The following DLGAP2 variants were observed in gnomAD, a reference collection of about 807,000 sequenced individuals.
DLGAP2 encodes DLG associated protein 2, also known as disks large-associated protein 2.
Under a neutral mutation model 100.3 loss-of-function variants are expected in DLGAP2, and 26 were observed. That is an observed-to-expected ratio of 0.26 (90% CI 0.19 to 0.36). The LOEUF (loss-of-function observed/expected upper bound fraction) is 0.36, where lower values mean the gene tolerates loss of function less well. Ranked by LOEUF, DLGAP2 falls within the 10% of genes least tolerant of loss-of-function variation. The pLI is 1.00. For missense variants in DLGAP2, 1,858 were observed against 1,453.2 expected (o/e 1.28, Z -4.53); for synonymous variants, 886 against 630.1 (o/e 1.41, Z -6.08).
At chr8:1,535,383 A>G (rs1276421557) in intron 4 of DLGAP2, among the ~76,000 whole-genome samples, 1 of 152,202 alleles carries the variant, frequency 6.6e-6, no homozygotes, top group African/African-American at 2.4e-5. Context: ...ATCACCCACA[A>G]ACATGAAATG....
intron 3 of DLGAP2, among the ~76,000 whole-genome samples, chr8:1,384,794 C>T (rs1796178535): frequency 2.9e-5 from 1 of 34,318 alleles, no homozygotes; most frequent in Non-Finnish European, 6.5e-5. Context: ...ACAGTTACCC[C>T]GGCCTGTGCC....
At chr8:1,088,476 A>G (rs1804051342) in intron 2 of DLGAP2, among the ~76,000 whole-genome samples, 1 of 152,138 alleles carries the variant, frequency 6.6e-6, no homozygotes, top group Admixed American at 6.5e-5. Flanking sequence ...AAAACAGCTG[A>G]ATTTTAGTCT....
chr8:836,535 C>A (rs1178857260), intron 1 of DLGAP2, among the ~76,000 whole-genome samples: 1 of 152,186 alleles, frequency 6.6e-6, no homozygotes, highest in Admixed American at 6.5e-5. Flanking sequence ...CGGGGGCACA[C>A]AAGGCTGAGG....
chr8:1,141,058 G>C (rs924921582), intron 2 of DLGAP2, among the ~76,000 whole-genome samples: 1 of 152,154 alleles, frequency 6.6e-6, no homozygotes, highest in Admixed American at 6.5e-5. Context: ...GTTTCCTTGG[G>C]TCTGTCTTTG....
Position 1,702,393 on chromosome 8 carries a change from T to A in DLGAP2, c.*987T>A, listed in dbSNP as rs1190672647. ...AAAACACACACGAAAAACAAAAGTTTGCTTGTTTAAAATGACAGTTGTGAT... is the reference window on the plus strand; with the variant it reads ...AAAACACACACGAAAAACAAAAGTTAGCTTGTTTAAAATGACAGTTGTGAT... On this transcript the variant is annotated 3_prime_UTR_variant, in exon 15 of 15. Coordinates refer to ENST00000637795, the MANE Select transcript of DLGAP2 (RefSeq NM_001346810.2). 3 of 152,614 alleles carry A rather than the reference T, an allele frequency of 2.0e-5. No homozygotes were observed. Among genetic ancestry groups the A allele is most frequent in the Non-Finnish European group, 2.9e-5 (2 of 68,030 alleles). 9.5% of individuals were successfully genotyped at this position (152,614 alleles called of 1,614,324 possible). A position where few individuals can be genotyped will look rare whatever the true frequency, so the allele number is the denominator to read the frequency against.
At chr8:1,622,623 C>T (rs1018550721) in intron 6 of DLGAP2, among the ~76,000 whole-genome samples, 2 of 152,204 alleles carry the variant, frequency 1.3e-5, no homozygotes, top group Non-Finnish European at 2.9e-5. Context: ...AGCTTTCCGT[C>T]TCGCCTGTTT....
chr8:1,427,933 G>A (rs1160407251), intron 3 of DLGAP2, among the ~76,000 whole-genome samples: 4 of 152,172 alleles, frequency 2.6e-5, no homozygotes, highest in Admixed American at 6.5e-5. Flanking sequence ...AAAATACTTG[G>A]AATTAATATA....
At chr8:987,073 G>A (rs1194443087) in intron 2 of DLGAP2, among the ~76,000 whole-genome samples, 1 of 152,146 alleles carries the variant, frequency 6.6e-6, no homozygotes, top group Non-Finnish European at 1.5e-5. Flanking sequence ...ATTTTTTTCT[G>A]CTTCACCAAA....
chr8:1,284,230 A>C (rs1239250569), intron 3 of DLGAP2, among the ~76,000 whole-genome samples: 1 of 152,232 alleles, frequency 6.6e-6, no homozygotes, highest in East Asian at 1.9e-4. Flanking sequence ...AGTCCACTGC[A>C]GGCTTACATT....
At chr8:1,165,243 G>T (rs1796992170) in intron 2 of DLGAP2, among the ~76,000 whole-genome samples, 1 of 151,670 alleles carries the variant, frequency 6.6e-6, no homozygotes, top group African/African-American at 2.4e-5. Flanking sequence ...GAGGCAGAGG[G>T]AGAGGAAGAC....
chr8:1,314,748 C>T (rs1255340445), intron 3 of DLGAP2, among the ~76,000 whole-genome samples: 1 of 152,210 alleles, frequency 6.6e-6, no homozygotes, highest in Admixed American at 6.5e-5. Context: ...CGGGGGTCTC[C>T]CTATGGTGCC....
chr8:1,374,232 C>G lies in DLGAP2; in HGVS notation c.106+115349C>G, dbSNP rs1330453038. The stretch of plus-strand genomic sequence containing the variant: ...GAAGGCTGTGGTGGAGGGTAGGTCA[C>G]GTTTGTAGAGGGCTGTGTAATGGAG... On this transcript the variant is annotated intron_variant, in intron 3 of 14. Transcript: ENST00000637795. Among the ~76,000 whole-genome samples, 5 of 149,506 alleles carry G rather than the reference C, an allele frequency of 3.3e-5. No individual in the cohort carries two copies. The East Asian group carries it at 9.9e-4, about 30-fold the overall frequency.
chr8:1,186,122 C>T (rs1433144142), intron 2 of DLGAP2, among the ~76,000 whole-genome samples: 2 of 152,210 alleles, frequency 1.3e-5, no homozygotes, highest in Non-Finnish European at 1.5e-5. Context: ...CGCCAAGGTG[C>T]TTCTCGCTTT....
At chr8:1,089,116 A>C (rs1804085322) in intron 2 of DLGAP2, among the ~76,000 whole-genome samples, 1 of 117,142 alleles carries the variant, frequency 8.5e-6, no homozygotes. Flanking sequence ...CCCCGGCCTC[A>C]CTCTCTCCAC....
chr8:1,054,271 GACAC>G (rs953184851), intron 2 of DLGAP2, among the ~76,000 whole-genome samples: 79 of 151,468 alleles, frequency 5.2e-4, no homozygotes, highest in African/African-American at 1.6e-3. Context: ...CACACACACG[GACAC>G]ACACGCACAC....
At chr8:770,763 C>G (rs769191341) in intron 1 of DLGAP2, among the ~76,000 whole-genome samples, 2 of 152,142 alleles carry the variant, frequency 1.3e-5, no homozygotes, top group Non-Finnish European at 2.9e-5. Flanking sequence ...GCTGTAAAAT[C>G]CTGGGGCAGG....
intron 2 of DLGAP2, among the ~76,000 whole-genome samples, chr8:937,517 A>G (rs1193722257): frequency 6.6e-6 from 1 of 152,200 alleles, no homozygotes; most frequent in Non-Finnish European, 1.5e-5. Flanking sequence ...AACACAGTGG[A>G]AAGACCCTCA....
intron 1 of DLGAP2, among the ~76,000 whole-genome samples, chr8:748,587 C>G (rs912256146): frequency 1.3e-5 from 2 of 152,284 alleles, no homozygotes; most frequent in South Asian, 2.1e-4. Flanking sequence ...TATCTCGTAT[C>G]ATTTACCACG....
At chr8:867,561 C>A (rs12681023) in intron 1 of DLGAP2, among the ~76,000 whole-genome samples, 1 of 152,274 alleles carries the variant, frequency 6.6e-6, no homozygotes, top group East Asian at 1.9e-4. Flanking sequence ...CAGGCTGGAC[C>A]TGGTGGTAGC....
Sources: gnomAD v4.1 joint callset for allele counts (sites outside exome capture counted in the v4.1 genomes callset) on GRCh38, gnomAD v4.1.1 for gene constraint, MANE v1.5 for transcripts, NCBI Gene and HGNC (gene_info 2026-07-23, HGNC 2026-07-21) for gene names.